MAPK8: variants seen among roughly 807,000 people sequenced by gnomAD.
MAPK8 encodes mitogen-activated protein kinase 8.
In MAPK8, 13 loss-of-function variants were observed where a neutral mutation model predicts 52.9. That is an observed-to-expected ratio of 0.25 (90% CI 0.16 to 0.39). MAPK8 has a LOEUF of 0.39. Among genes scored for constraint, MAPK8 ranks in the 10% least tolerant of loss-of-function variants. The pLI is 1.00. For synonymous variants in MAPK8, 191 were observed against 169.8 expected, an observed-to-expected ratio of 1.12 and a Z score of -0.97; for missense variants, 300 against 519.2, an observed-to-expected ratio of 0.58 and a Z score of 4.10.
chr10:48,355,440 C>T (rs1365137122), intron 1 of MAPK8, among the ~76,000 whole-genome samples: 9 of 143,142 alleles, frequency 6.3e-5, no homozygotes, highest in Non-Finnish European at 9.0e-5. Context: ...ACCCAGGAGG[C>T]GGAGCTTGCA....
chr10:48,314,293 C>A (rs1190799478), intron 1 of MAPK8, among the ~76,000 whole-genome samples: 1 of 152,002 alleles, frequency 6.6e-6, no homozygotes, highest in Non-Finnish European at 1.5e-5. Context: ...GGGGCTCCAC[C>A]CTCATGACCT....
intron 6 of MAPK8, among the ~76,000 whole-genome samples, chr10:48,423,511 T>A (rs1434510909): frequency 6.6e-6 from 1 of 152,190 alleles, no homozygotes; most frequent in Non-Finnish European, 1.5e-5. Context: ...GGACTTTTAA[T>A]TCAGAACAAG....
intron 1 of MAPK8, among the ~76,000 whole-genome samples, chr10:48,346,719 A>T (rs976263363): frequency 6.6e-6 from 1 of 152,190 alleles, no homozygotes; most frequent in Non-Finnish European, 1.5e-5. Context: ...TTCATGTTCC[A>T]TCCTGTACAC....
intron 1 of MAPK8, among the ~76,000 whole-genome samples, chr10:48,385,810 T>TCATA (rs1169586210): frequency 4.9e-4 from 75 of 152,294 alleles, no homozygotes; most frequent in African/African-American, 1.8e-3. Context: ...GAAATAGTAG[T>TCATA]TTTTGCCCCA....
chr10:48,356,286 A>T lies in MAPK8; in HGVS notation c.-49-45326A>T, dbSNP rs989216573. ...GTACTTGTGAGGACAGTAAAGACAC[A>T]TAACTTTTCAGAGTCTAAAGTTAAT... is the stretch of plus-strand genomic sequence containing the variant. On this transcript the variant is annotated intron_variant, in intron 1 of 11. Transcript: ENST00000374189. Among the ~76,000 whole-genome samples, 3 of 152,222 alleles carry T rather than the reference A, an allele frequency of 2.0e-5. No homozygotes were observed. The East Asian group carries it at 5.8e-4, about 29-fold the overall frequency.
At chr10:48,311,312 T>G (rs1324223818) in intron 1 of MAPK8, among the ~76,000 whole-genome samples, 1 of 152,238 alleles carries the variant, frequency 6.6e-6, no homozygotes, top group Non-Finnish European at 1.5e-5. Context: ...TGTTTCACTC[T>G]GCATCTCTGG....
intron 1 of MAPK8, among the ~76,000 whole-genome samples, chr10:48,394,314 G>A (rs12244705): frequency 0.047 from 7,065 of 151,916 alleles, 549 homozygotes; most frequent in African/African-American, 0.16. Context: ...CTACAGTCCA[G>A]TATTCCTTAT....
chr10:48,338,696 C>T (rs1844938886), intron 1 of MAPK8, among the ~76,000 whole-genome samples: 1 of 152,126 alleles, frequency 6.6e-6, no homozygotes, highest in South Asian at 2.1e-4. Context: ...CCCCGAAAGA[C>T]TCCTGGACCT....
chr10:48,357,760 G>A (rs896394472), intron 1 of MAPK8, among the ~76,000 whole-genome samples: 6 of 152,016 alleles, frequency 3.9e-5, no homozygotes, highest in Non-Finnish European at 8.8e-5. Flanking sequence ...TATTTGTTTA[G>A]TACATTTAGA....
intron 1 of MAPK8, among the ~76,000 whole-genome samples, chr10:48,317,495 A>G (rs1842619505): frequency 6.6e-6 from 1 of 152,212 alleles, no homozygotes; most frequent in Non-Finnish European, 1.5e-5. Flanking sequence ...AGAGTGAGAA[A>G]TGAGCAAGTG....
At chr10:48,423,309 T>G (rs1006284064) in intron 6 of MAPK8, among the ~76,000 whole-genome samples, 5 of 152,338 alleles carry the variant, frequency 3.3e-5, no homozygotes, top group African/African-American at 7.2e-5. Flanking sequence ...GGAACTGACT[T>G]ACTGTATCTA....
intron 1 of MAPK8, among the ~76,000 whole-genome samples, chr10:48,317,165 A>G (rs564875189): frequency 6.6e-6 from 1 of 152,066 alleles, no homozygotes; most frequent in Non-Finnish European, 1.5e-5. Context: ...AAGATGGTTA[A>G]AAAACAATGA....
intron 1 of MAPK8, among the ~76,000 whole-genome samples, chr10:48,342,562 C>T (rs1029703750): frequency 6.6e-6 from 1 of 152,058 alleles, no homozygotes. Flanking sequence ...TATGGCAAAC[C>T]TATTAGGGAA....
chr10:48,311,813 T>C (rs1378337331), intron 1 of MAPK8, among the ~76,000 whole-genome samples: 5 of 152,228 alleles, frequency 3.3e-5, no homozygotes, highest in Admixed American at 1.3e-4. Flanking sequence ...ATGATTATAA[T>C]GGTGGATTAA....
chr10:48,337,979 T>C (rs1844860026), intron 1 of MAPK8, among the ~76,000 whole-genome samples: 2 of 152,046 alleles, frequency 1.3e-5, no homozygotes, highest in South Asian at 2.1e-4. Context: ...CAAAAAGCCC[T>C]GAACCAAAAG....
intron 1 of MAPK8, among the ~76,000 whole-genome samples, chr10:48,318,130 C>A (rs1269049345): frequency 2.0e-5 from 3 of 152,110 alleles, no homozygotes; most frequent in South Asian, 2.1e-4. Flanking sequence ...AGTCTGAAAT[C>A]TGTAGGGCAG....
chr10:48,426,537 T>C (rs749954521), intron 9 of MAPK8, 33 bp downstream of exon 9: 16 of 1,589,024 alleles, frequency 1.0e-5, no homozygotes, highest in Admixed American at 1.8e-5. Context: ...ACAGAACATA[T>C]TGCATTCTTA....
intron 1 of MAPK8, among the ~76,000 whole-genome samples, chr10:48,372,341 C>G (rs1425287489): frequency 6.6e-6 from 1 of 152,074 alleles, no homozygotes; most frequent in Non-Finnish European, 1.5e-5. Context: ...AACTCCTCAC[C>G]AGCAAGGCAA....
chr10:48,348,408 A>C (rs1845992620), intron 1 of MAPK8, among the ~76,000 whole-genome samples: 1 of 151,932 alleles, frequency 6.6e-6, no homozygotes, highest in South Asian at 2.1e-4. Flanking sequence ...CCCATTTGTC[A>C]ATTTTGGTTT....
Sources: gnomAD v4.1 joint callset for allele counts (sites outside exome capture counted in the v4.1 genomes callset) on GRCh38, gnomAD v4.1.1 for gene constraint, MANE v1.5 for transcripts, NCBI Gene and HGNC (gene_info 2026-07-23, HGNC 2026-07-21) for gene names.